The following RBMS2 variants were observed in gnomAD, a reference collection of about 807,000 sequenced individuals.
RBMS2 encodes the protein RNA binding motif single stranded interacting protein 2.
In RBMS2, 38 loss-of-function variants were observed where a neutral mutation model predicts 58.4. The observed-to-expected ratio is 0.65, with a 90% confidence interval of 0.50 to 0.85. The LOEUF (loss-of-function observed/expected upper bound fraction) is 0.85, where lower values mean the gene tolerates loss of function less well. Among genes scored for constraint, RBMS2 ranks in the 40% least tolerant of loss-of-function variants. The pLI is 0.00. For synonymous variants in RBMS2, 151 were observed against 180.7 expected, an observed-to-expected ratio of 0.84 and a Z score of 1.32; for missense variants, 367 against 503.7, an observed-to-expected ratio of 0.73 and a Z score of 2.60.
intron 5 of RBMS2, among the ~76,000 whole-genome samples, chr12:56,574,176 C>T (rs1882788966): frequency 6.6e-6 from 1 of 152,116 alleles, no homozygotes; most frequent in African/African-American, 2.4e-5. Flanking sequence ...TTCCTGACAG[C>T]AGTAACTTCA....
Position 56,589,487 on chromosome 12 carries a change from A to C in RBMS2, c.*354A>C. The C allele has an allele frequency of 3.9e-6, 1 of 254,944 alleles. No homozygotes were observed. Among genetic ancestry groups the C allele is most frequent in the Non-Finnish European group, 7.1e-6 (1 of 140,274 alleles). 15.8% of individuals were successfully genotyped at this position (254,944 alleles called of 1,614,324 possible). A position where few individuals can be genotyped will look rare whatever the true frequency, so the allele number is the denominator to read the frequency against. ...TGGTCGCAGCTTCTCATCTATATGA[A>C]AAAGTTTTCGATGTATTGGAATTAT... On this transcript the variant is annotated 3_prime_UTR_variant, in exon 14 of 14. Coordinates refer to ENST00000262031, the MANE Select transcript of RBMS2 (RefSeq NM_002898.4).
intron 1 of RBMS2, chr12:56,539,819 C>A (rs1219774508): frequency 2.3e-5 from 7 of 310,978 alleles, no homozygotes; most frequent in African/African-American, 6.9e-5. Flanking sequence ...CTGTTCTAAG[C>A]CCTTTATAAA....
rs2136652972 is a variant in RBMS2, at chr12:56,595,374, C to T, written c.*6241C>T. ...TTTTGGGTGGGTAAACACCTCTTTG[C>T]ATGTGGACAGAAAATGTTTATACTT... is the stretch of plus-strand genomic sequence containing the variant. On this transcript the variant is annotated 3_prime_UTR_variant, in exon 14 of 14. Coordinates refer to ENST00000262031, the MANE Select transcript of RBMS2 (RefSeq NM_002898.4). 1.3e-5 allele frequency: 2 copies of T among 152,260 alleles called. No homozygotes were observed. The highest frequency in any genetic ancestry group is 2.1e-4 in the South Asian group (1 of 4,824). The allele number at this position is 152,260 out of a possible 1,614,324, so 9.4% of individuals were successfully genotyped here. A position where few individuals can be genotyped will look rare whatever the true frequency, so the allele number is the denominator to read the frequency against.
At chr12:56,546,383 A>ACAATATATTGTACATTATAATGTC (rs1565741897) in intron 1 of RBMS2, among the ~76,000 whole-genome samples, 1 of 66,376 alleles carries the variant, frequency 1.5e-5, no homozygotes, top group Non-Finnish European at 3.4e-5. Context: ...ATTATAATGT[A>ACAATATATTGTACATTATAATGTC]AAATATAATG....
At chr12:56,527,586 C>T (rs866015512) in intron 1 of RBMS2, among the ~76,000 whole-genome samples, 1 of 151,682 alleles carries the variant, frequency 6.6e-6, no homozygotes, top group Non-Finnish European at 1.5e-5. Flanking sequence ...CACTTCAGCC[C>T]GGGGCCGACA....
Position 56,593,474 on chromosome 12 carries a change from TCCA to T in RBMS2, c.*4344_*4346del, listed in dbSNP as rs1186853203. On this transcript the variant is annotated 3_prime_UTR_variant, in exon 14 of 14. Transcript: ENST00000262031. Reference sequence around the variant, plus strand: ...GTCTCGAACTCCTGGGCTCAAATGATCCACCCACCTCGGCCTCCCAAAGTGCTG... The same window carrying T: ...GTCTCGAACTCCTGGGCTCAAATGATCCCACCTCGGCCTCCCAAAGTGCTG... The T allele has an allele frequency of 1.3e-5, 2 of 152,046 alleles. No homozygotes were observed. The highest frequency in any genetic ancestry group is 4.8e-5 in the African/African-American group (2 of 41,384). The allele number at this position is 152,046 out of a possible 1,614,324, so 9.4% of individuals were successfully genotyped here.
At chr12:56,540,346 T>C (rs150642226) in intron 1 of RBMS2, among the ~76,000 whole-genome samples, 67 of 152,204 alleles carry the variant, frequency 4.4e-4, no homozygotes, top group African/African-American at 1.5e-3. Flanking sequence ...TGTATTTATG[T>C]ATTTATTTGT....
At chr12:56,531,623 C>T (rs1284950431) in intron 1 of RBMS2, among the ~76,000 whole-genome samples, 1 of 150,836 alleles carries the variant, frequency 6.6e-6, no homozygotes, top group African/African-American at 2.4e-5. Flanking sequence ...GTCAGGAGTT[C>T]GAGACCAGCC....
At chr12:56,580,909 T>C (rs1289333080) in intron 5 of RBMS2, among the ~76,000 whole-genome samples, 1 of 152,232 alleles carries the variant, frequency 6.6e-6, no homozygotes, top group African/African-American at 2.4e-5. Context: ...CTTATTTATA[T>C]GGCAGATACA....
At chr12:56,542,757 C>T (rs1429793932) in intron 1 of RBMS2, among the ~76,000 whole-genome samples, 1 of 151,588 alleles carries the variant, frequency 6.6e-6, no homozygotes, top group Non-Finnish European at 1.5e-5. Context: ...CCTGTGTTGC[C>T]CAGGATGGTC....
Position 56,529,578 on chromosome 12 carries a change from TAAC to T in RBMS2, c.66+7504_66+7506del, listed in dbSNP as rs963950117. ...GTCCCAACAACAACAACAACAACAA[TAAC>T]AACAACAACAACAAAACAAATCTCT... On this transcript the variant is annotated intron_variant, in intron 1 of 13. Coordinates refer to ENST00000262031, the MANE Select transcript of RBMS2 (RefSeq NM_002898.4). Among the ~76,000 whole-genome samples the T allele has an allele frequency of 5.1e-5, 7 of 138,116 alleles. No homozygotes were observed. The South Asian group carries it at 6.9e-4, about 14-fold the overall frequency. The allele number at this position is 138,116 out of a possible 152,430, so 90.6% of individuals were successfully genotyped here. A position where few individuals can be genotyped will look rare whatever the true frequency, so the allele number is the denominator to read the frequency against.
At chr12:56,575,821 G>C (rs1365479353) in intron 5 of RBMS2, among the ~76,000 whole-genome samples, 1 of 151,844 alleles carries the variant, frequency 6.6e-6, no homozygotes, top group African/African-American at 2.4e-5. Flanking sequence ...TTGAACCTGG[G>C]AGGCGGAGGT....
At position 56,588,361 on chromosome 12, in the gene RBMS2, G is replaced by A. The variant is rs1415668922; in HGVS notation, c.1130G>A (p.Ser377Asn). 1.9e-6 allele frequency: 3 copies of A among 1,612,936 alleles called. No individual in the cohort carries two copies. Among genetic ancestry groups the A allele is most frequent in the African/African-American group, 2.7e-5 (2 of 75,000 alleles). The change falls in exon 12 of 14, where the codon AGT becomes AAT. Residue 377 changes from serine (S) to asparagine (N), a missense_variant. Physicochemically the swap from Ser to Asn is conservative, Grantham distance 46 (BLOSUM62 1). Coordinates refer to ENST00000262031, the MANE Select transcript of RBMS2 (RefSeq NM_002898.4). ...CAGTACACCCCTGTGCCTTCTTCCA[G>A]TGTTTCAGTCGAGGTAAGGGTGTTA... ...ISQYTPVPSS[S>N]VSVEESSGQQ...
intron 5 of RBMS2, among the ~76,000 whole-genome samples, chr12:56,572,590 G>T: frequency 6.6e-6 from 1 of 152,114 alleles, no homozygotes; most frequent in Non-Finnish European, 1.5e-5. Flanking sequence ...AGTTTACTGA[G>T]TATTTCTCAT....
chr12:56,557,400 G>T (rs184878093), intron 1 of RBMS2, among the ~76,000 whole-genome samples: 1 of 151,778 alleles, frequency 6.6e-6, no homozygotes, highest in Non-Finnish European at 1.5e-5. Flanking sequence ...TTTTTCTTTG[G>T]TGTCAAACCT....
intron 1 of RBMS2, 110 bp downstream of exon 1, chr12:56,522,199 G>C: frequency 2.4e-6 from 2 of 834,680 alleles, no homozygotes; most frequent in Non-Finnish European, 3.8e-6. Flanking sequence ...CCTCTCTCAA[G>C]ATTCCTAATT....
chr12:56,579,122 AG>A (rs1332946169), intron 5 of RBMS2, among the ~76,000 whole-genome samples: 1 of 152,166 alleles, frequency 6.6e-6, no homozygotes, highest in Non-Finnish European at 1.5e-5. Flanking sequence ...CTATTGTAAG[AG>A]GGGACTTCAG....
chr12:56,542,262 G>A (rs569788799), intron 1 of RBMS2, among the ~76,000 whole-genome samples: 11 of 151,214 alleles, frequency 7.3e-5, no homozygotes, highest in African/African-American at 1.9e-4. Flanking sequence ...ACAGAGTTTC[G>A]CCATGTTGCC....
At chr12:56,532,488 G>A (rs1262717723) in intron 1 of RBMS2, among the ~76,000 whole-genome samples, 1 of 151,816 alleles carries the variant, frequency 6.6e-6, no homozygotes, top group African/African-American at 2.4e-5. Flanking sequence ...GTTGCAGTGA[G>A]CAAAGATTGT....
Sources: allele counts gnomAD v4.1 joint callset (sites outside exome capture counted in the v4.1 genomes callset), GRCh38; gene constraint gnomAD v4.1.1; transcripts MANE v1.5; gene names NCBI Gene and HGNC (gene_info 2026-07-23, HGNC 2026-07-21).